COP1: variants seen among roughly 807,000 people sequenced by gnomAD.
COP1 encodes the protein COP1 E3 ubiquitin ligase.
Under a neutral mutation model 101.3 loss-of-function variants are expected in COP1, and 24 were observed. The ratio of observed to expected loss-of-function variants is 0.24; its 90% CI spans 0.17 to 0.33. The LOEUF (loss-of-function observed/expected upper bound fraction) is 0.33. COP1 is among the 10% of genes least tolerant of loss of function. The pLI, the probability that COP1 is intolerant of heterozygous loss-of-function variation, is 1.00. For missense variants in COP1, 663 were observed against 906.2 expected (o/e 0.73, Z 3.45); for synonymous variants, 347 against 341.9 (o/e 1.01, Z -0.17).
intron 6 of COP1, among the ~76,000 whole-genome samples, chr1:176,143,809 T>C (rs1691130251): frequency 6.6e-6 from 1 of 152,116 alleles, no homozygotes; most frequent in Non-Finnish European, 1.5e-5. Context: ...GACTCCCCAA[T>C]GCTAAACCAA....
At chr1:175,974,157 A>T (rs949845377) in intron 18 of COP1, among the ~76,000 whole-genome samples, 2 of 152,224 alleles carry the variant, frequency 1.3e-5, no homozygotes, top group Non-Finnish European at 2.9e-5. Context: ...AACTAAACTA[A>T]ATGGCAGGAG....
At chr1:176,101,029 CATAG>C (rs1485101834) in intron 9 of COP1, among the ~76,000 whole-genome samples, 2 of 152,154 alleles carry the variant, frequency 1.3e-5, no homozygotes, top group Non-Finnish European at 2.9e-5. Flanking sequence ...CTTCCCATTG[CATAG>C]ATAAAGGTCA....
chr1:175,975,307 ATG>A (rs1246135304), intron 18 of COP1, among the ~76,000 whole-genome samples: 1 of 152,182 alleles, frequency 6.6e-6, no homozygotes, highest in Admixed American at 6.5e-5. Context: ...GTTACATTAG[ATG>A]TGTGAGTTTG....
chr1:176,047,984 G>C (rs1671801707), intron 11 of COP1, among the ~76,000 whole-genome samples: 1 of 151,826 alleles, frequency 6.6e-6, no homozygotes, highest in Non-Finnish European at 1.5e-5. Context: ...GAGGTGGGAG[G>C]ACTGCTTGAA....
chr1:176,103,355 G>C (rs983937797), intron 9 of COP1, among the ~76,000 whole-genome samples: 2 of 152,148 alleles, frequency 1.3e-5, no homozygotes, highest in African/African-American at 2.4e-5. Context: ...AAGCGGGTGA[G>C]GCCTGGAGAT....
chr1:176,098,914 A>G (rs1377297108), intron 9 of COP1, among the ~76,000 whole-genome samples: 1 of 152,216 alleles, frequency 6.6e-6, no homozygotes, highest in Non-Finnish European at 1.5e-5. Flanking sequence ...GAACACGTTT[A>G]CTTACATGAG....
At chr1:176,165,395 T>TGGGTGG (rs1553302025) in intron 3 of COP1, among the ~76,000 whole-genome samples, 1 of 142,612 alleles carries the variant, frequency 7.0e-6, no homozygotes, top group African/African-American at 2.7e-5. Context: ...TGTGTGTGTG[T>TGGGTGG]GTGTGTGTGT....
At chr1:176,056,722 T>C (rs1443171831) in intron 11 of COP1, among the ~76,000 whole-genome samples, 1 of 152,202 alleles carries the variant, frequency 6.6e-6, no homozygotes, top group Non-Finnish European at 1.5e-5. Flanking sequence ...TACTTTTGTA[T>C]CTGTCATCTT....
chr1:176,113,199 T>C (rs1156608777), intron 9 of COP1, among the ~76,000 whole-genome samples: 2 of 152,206 alleles, frequency 1.3e-5, no homozygotes, highest in Non-Finnish European at 2.9e-5. Flanking sequence ...CTCCACGTCC[T>C]TTCTAACATT....
Position 175,951,463 on chromosome 1 carries a change from A to AT in COP1, c.2134-4225_2134-4224insA, listed in dbSNP as rs1558154896. Among the ~76,000 whole-genome samples the AT allele has an allele frequency of 2.1e-3, 83 of 39,916 alleles. 3 individuals carry two copies. Among genetic ancestry groups the AT allele is most frequent in the Middle Eastern group, 0.017 (1 of 60 alleles). 26.2% of individuals were successfully genotyped at this position (39,916 alleles called of 152,430 possible). A position where few individuals can be genotyped will look rare whatever the true frequency, so the allele number is the denominator to read the frequency against. On this transcript the variant is annotated intron_variant, in intron 18 of 19. Coordinates refer to ENST00000367669, the MANE Select transcript of COP1 (RefSeq NM_022457.7). ...ATATATATATATATATATATATATA[A>AT]AAACTTCCATTTTTGGCCATAACAG...
At chr1:176,203,172 C>A (rs1230649449) in intron 1 of COP1, among the ~76,000 whole-genome samples, 5 of 151,792 alleles carry the variant, frequency 3.3e-5, no homozygotes, top group Admixed American at 2.6e-4. Flanking sequence ...CCCGCCTCTA[C>A]TAAAAATACA....
chr1:176,016,579 C>A (rs975010199), intron 15 of COP1, among the ~76,000 whole-genome samples: 6 of 152,186 alleles, frequency 3.9e-5, no homozygotes, highest in African/African-American at 1.4e-4. Context: ...CTCTCTTTCC[C>A]TCCCTCTCTG....
At chr1:176,205,692 TCAA>T (rs1700769898) in intron 1 of COP1, among the ~76,000 whole-genome samples, 1 of 152,172 alleles carries the variant, frequency 6.6e-6, no homozygotes, top group African/African-American at 2.4e-5. Flanking sequence ...AGCAAGACAA[TCAA>T]CACCACCTTT....
chr1:176,104,907 G>C (rs546932197), intron 9 of COP1, among the ~76,000 whole-genome samples: 38 of 152,208 alleles, frequency 2.5e-4, no homozygotes, highest in African/African-American at 9.1e-4. Context: ...ATATAACAAA[G>C]TGATTAAGTA....
intron 1 of COP1, among the ~76,000 whole-genome samples, chr1:176,203,055 C>T (rs1440908911): frequency 6.6e-6 from 1 of 152,016 alleles, no homozygotes; most frequent in Non-Finnish European, 1.5e-5. Flanking sequence ...TCAACCTTCT[C>T]GGCCGGGCGC....
At chr1:176,192,277 G>A (rs1036128444) in intron 1 of COP1, among the ~76,000 whole-genome samples, 5 of 152,080 alleles carry the variant, frequency 3.3e-5, no homozygotes, top group African/African-American at 4.8e-5. Context: ...AGGGTTTACA[G>A]TTAACAGAAG....
intron 18 of COP1, among the ~76,000 whole-genome samples, chr1:175,950,271 C>T (rs1649715950): frequency 6.6e-6 from 1 of 151,060 alleles, no homozygotes; most frequent in African/African-American, 2.4e-5. Context: ...TCTTTTAGGA[C>T]TGAAATTTAA....
chr1:176,033,204 G>C (rs1571816307), intron 14 of COP1, among the ~76,000 whole-genome samples: 2 of 152,244 alleles, frequency 1.3e-5, no homozygotes, highest in Middle Eastern at 6.8e-3. Context: ...TTAAGATCAG[G>C]AGTTGGAGAC....
intron 18 of COP1, among the ~76,000 whole-genome samples, chr1:175,966,103 T>G (rs965041750): frequency 1.3e-5 from 2 of 152,182 alleles, no homozygotes; most frequent in African/African-American, 4.8e-5. Flanking sequence ...TATGTGGTCT[T>G]TCAGAGTTGA....
Sources: allele counts gnomAD v4.1 joint callset (sites outside exome capture counted in the v4.1 genomes callset), GRCh38; gene constraint gnomAD v4.1.1; transcripts MANE v1.5; gene names NCBI Gene and HGNC (gene_info 2026-07-23, HGNC 2026-07-21).